The following ME3 variants were observed in gnomAD, a reference collection of about 807,000 sequenced individuals.
ME3 encodes the protein NADP-dependent malic enzyme, mitochondrial.
A neutral mutation model predicts 68.9 loss-of-function variants in ME3; 48 were observed. The ratio of observed to expected loss-of-function variants is 0.70; its 90% confidence interval spans 0.55 to 0.89. The LOEUF is 0.89. Ranked by LOEUF, ME3 falls within the 40% of genes least tolerant of loss-of-function variation. ME3 has a pLI of 0.00. For missense variants in ME3, 675 were observed against 797.4 expected, an observed-to-expected ratio of 0.85 and a Z score of 1.85; for synonymous variants, 320 against 318.8, an observed-to-expected ratio of 1.00 and a Z score of -0.04.
intron 2 of ME3, among the ~76,000 whole-genome samples, chr11:86,576,005 A>C (rs1005534656): frequency 6.6e-6 from 1 of 152,228 alleles, no homozygotes; most frequent in African/African-American, 2.4e-5. Flanking sequence ...GATGTTGAGC[A>C]TATCATTCAA....
intron 2 of ME3, among the ~76,000 whole-genome samples, chr11:86,651,925 G>T (rs141162208): frequency 5.3e-5 from 8 of 152,328 alleles, no homozygotes; most frequent in African/African-American, 1.9e-4. Context: ...GAAAACCATG[G>T]CACGAGAACC....
chr11:86,519,783 A>G (rs1474226045), intron 4 of ME3, among the ~76,000 whole-genome samples: 1 of 152,252 alleles, frequency 6.6e-6, no homozygotes, highest in Non-Finnish European at 1.5e-5. Flanking sequence ...CAGGAAGCAG[A>G]TCTAAGAAAT....
At chr11:86,473,930 A>G (rs1950918689) in intron 7 of ME3, among the ~76,000 whole-genome samples, 1 of 152,252 alleles carries the variant, frequency 6.6e-6, no homozygotes, top group South Asian at 2.1e-4. Context: ...GCTTTGAGGC[A>G]AAAGCAGAGC....
At chr11:86,549,517 C>T (rs561860133) in intron 4 of ME3, among the ~76,000 whole-genome samples, 127 of 152,308 alleles carry the variant, frequency 8.3e-4, no homozygotes, top group Middle Eastern at 3.4e-3. Flanking sequence ...GCTTTCATGT[C>T]TCATTTCAAA....
intron 7 of ME3, among the ~76,000 whole-genome samples, chr11:86,485,442 C>G (rs1413317894): frequency 2.0e-5 from 3 of 152,222 alleles, no homozygotes; most frequent in Non-Finnish European, 4.4e-5. Context: ...GTCCTAGATG[C>G]TATGCCTCTA....
At chr11:86,462,722 C>A in intron 8 of ME3, 7 of 582,392 alleles carry the variant, frequency 1.2e-5, no homozygotes, top group Non-Finnish European at 2.0e-5. Context: ...CCTCCAGAAG[C>A]TTATTATCTT....
At chr11:86,497,376 G>C (rs1486273943) in intron 6 of ME3, among the ~76,000 whole-genome samples, 1 of 152,118 alleles carries the variant, frequency 6.6e-6, no homozygotes, top group Non-Finnish European at 1.5e-5. Context: ...ACAGAGCTGC[G>C]AGTCACAGAC....
rs1036311773 is a variant in ME3, at chr11:86,486,306, T to G, written c.809+1031A>C. Among the ~76,000 whole-genome samples the G allele has an allele frequency of 2.6e-5, 4 of 152,208 alleles. No individual in the cohort carries two copies. The East Asian group carries it at 7.7e-4, about 29-fold the overall frequency. ...ATATAACCACAATATTATTTTGCTC[T>G]CATCTTAAAAAACAAAACACAACAC... On this transcript the variant is annotated intron_variant, in intron 7 of 14. Transcript: ENST00000543262.
At chr11:86,630,898 AG>A (rs749208393) in intron 2 of ME3, among the ~76,000 whole-genome samples, 10 of 152,240 alleles carry the variant, frequency 6.6e-5, no homozygotes, top group Non-Finnish European at 1.3e-4. Flanking sequence ...GGAGCCCCTG[AG>A]GAAACCTGGA....
At chr11:86,534,385 T>G (rs1955500546) in intron 4 of ME3, among the ~76,000 whole-genome samples, 1 of 152,132 alleles carries the variant, frequency 6.6e-6, no homozygotes, top group African/African-American at 2.4e-5. Context: ...TAAATAACAC[T>G]TAGCTTAGGC....
At chr11:86,443,461 G>T (rs1296979952) in intron 13 of ME3, among the ~76,000 whole-genome samples, 1 of 152,238 alleles carries the variant, frequency 6.6e-6, no homozygotes, top group Admixed American at 6.5e-5. Context: ...ATCATCCTGA[G>T]AACAGAGCCT....
chr11:86,525,122 C>G (rs183278985), intron 4 of ME3, among the ~76,000 whole-genome samples: 1 of 152,046 alleles, frequency 6.6e-6, no homozygotes, highest in African/African-American at 2.4e-5. Context: ...AGACTTAGAC[C>G]CAAATTCTAG....
chr11:86,660,968 A>C (rs1361897061), intron 2 of ME3, among the ~76,000 whole-genome samples: 2 of 152,196 alleles, frequency 1.3e-5, no homozygotes, highest in Non-Finnish European at 2.9e-5. Flanking sequence ...TTTTCAAAAG[A>C]GCTGACAGAT....
chr11:86,560,761 T>TATATATATATATATATATATATATAG (rs1957188081), intron 2 of ME3, among the ~76,000 whole-genome samples: 1 of 139,986 alleles, frequency 7.1e-6, no homozygotes, highest in African/African-American at 2.7e-5. Flanking sequence ...TATATATATA[T>TATATATATATATATATATATATATAG]ATATATATAT....
intron 2 of ME3, among the ~76,000 whole-genome samples, chr11:86,601,635 G>A (rs1342249806): frequency 6.6e-6 from 1 of 151,906 alleles, no homozygotes; most frequent in African/African-American, 2.4e-5. Flanking sequence ...CCAAAGCCGG[G>A]CAGAGACACA....
exon 10 of ME3, chr11:86,449,948 G>C: frequency 6.2e-7 from 1 of 1,614,032 alleles, no homozygotes; most frequent in East Asian, 2.2e-5. Context: ...TCTGCCTTCG[G>C]TACACCTTCT....
chr11:86,556,536 AC>A lies in ME3; in HGVS notation c.467+16del, dbSNP rs751950720. On this transcript the variant is annotated intron_variant, in intron 4 of 14. Coordinates refer to ENST00000543262, the Ensembl canonical transcript of ME3. ...TGAGGCAGCCCCTCCCAGAGCCCTC[AC>A]TCCACGGGGGCTCACCGGGGCCTGC... The A allele has an allele frequency of 8.7e-6, 14 of 1,607,778 alleles. No homozygotes were observed. The highest frequency in any genetic ancestry group is 1.2e-5 in the Non-Finnish European group (14 of 1,176,834).
chr11:86,570,627 C>T (rs1957737151), intron 2 of ME3, among the ~76,000 whole-genome samples: 1 of 152,148 alleles, frequency 6.6e-6, no homozygotes, highest in South Asian at 2.1e-4. Context: ...CATTACAGAT[C>T]CAGAAACACA....
At chr11:86,562,334 A>G (rs4943946) in intron 2 of ME3, among the ~76,000 whole-genome samples, 35,945 of 152,124 alleles carry the variant, frequency 0.24, 4,676 homozygotes, top group East Asian at 0.54. Context: ...ATGATTATAA[A>G]TAAAGTTGCT....
Sources: gnomAD v4.1 joint callset for allele counts (sites outside exome capture counted in the v4.1 genomes callset) on GRCh38, gnomAD v4.1.1 for gene constraint, MANE v1.5 for transcripts, NCBI Gene and HGNC (gene_info 2026-07-23, HGNC 2026-07-21) for gene names.